The following NFIX variants were observed in gnomAD, a reference collection of about 807,000 sequenced individuals.
The protein encoded by NFIX is nuclear factor I X.
Under a neutral mutation model 53.3 loss-of-function variants are expected in NFIX, and 2 were observed. That is an observed-to-expected ratio of 0.04 (90% CI 0.02 to 0.12). The LOEUF (loss-of-function observed/expected upper bound fraction) is 0.12, where lower values mean the gene tolerates loss of function less well. Among genes scored for constraint, NFIX ranks in the 10% least tolerant of loss-of-function variants. The pLI is 1.00. For synonymous variants in NFIX, 244 were observed against 289.0 expected, an observed-to-expected ratio of 0.84 and a Z score of 1.58; for missense variants, 310 against 674.5, an observed-to-expected ratio of 0.46 and a Z score of 5.99.
rs1342275669 is a variant in NFIX, at chr19:13,012,271, G to C, written c.28-12750G>C. 2 of 152,502 alleles carry C rather than the reference G, an allele frequency of 1.3e-5. No homozygotes were observed. Among genetic ancestry groups the C allele is most frequent in the African/African-American group, 4.8e-5 (2 of 41,466 alleles). The allele number at this position is 152,502 out of a possible 1,614,324, so 9.4% of individuals were successfully genotyped here. On this transcript the variant is annotated intron_variant, in intron 1 of 10. Transcript: ENST00000592199. The surrounding 1 kb of genome is among the most constrained non-coding windows in gnomAD (Gnocchi z 5.0). ...GACCGCGGACCCCGGGGGCAGGTGAGGGGAAACTGGGAGCATAGGTCTGGC... is the reference window on the plus strand; with the variant it reads ...GACCGCGGACCCCGGGGGCAGGTGACGGGAAACTGGGAGCATAGGTCTGGC...
Position 13,078,617 on chromosome 19 carries a change from G to C in NFIX, c.960G>C (p.Pro320=). The C allele has an allele frequency of 6.2e-7, 1 of 1,600,194 alleles. No homozygotes were observed. Among genetic ancestry groups the C allele is most frequent in the East Asian group, 2.3e-5 (1 of 44,210 alleles). ...GTTGCTGCTTCCTCCCCCCAGGCCCGGCTTCTCTAAAGAAGTCAGGAAAGC... is the reference window on the plus strand; with the variant it reads ...GTTGCTGCTTCCTCCCCCCAGGCCCCGCTTCTCTAAAGAAGTCAGGAAAGC... ...SGWPNDVDAG[P]ASLKKSGKLD... is the part of the protein sequence containing the mutation. The change falls in exon 7 of 11, where the codon CCG becomes CCC. Residue 320 remains proline (P), a synonymous_variant. Transcript: ENST00000592199. The surrounding 1 kb of genome is among the most constrained non-coding windows in gnomAD (Gnocchi z 4.7).
At position 13,094,064 on chromosome 19, in the gene NFIX, C is replaced by T. The variant is rs570999943; in HGVS notation, c.1495-571C>T. On this transcript the variant is annotated intron_variant, in intron 10 of 10. Transcript: ENST00000592199. The surrounding 1 kb of genome is among the most constrained non-coding windows in gnomAD (Gnocchi z 4.3). ...GTAGAGGATCCAGCACCATGGGCTA[C>T]GTGGCCCCTCCCCCAGGCCTGGCGC... 6.4e-4 allele frequency among the ~76,000 whole-genome samples: 97 copies of T among 152,316 alleles called. No homozygotes were observed. The highest frequency in any genetic ancestry group is 1.0e-3 in the Non-Finnish European group (71 of 68,026).
intron 2 of NFIX, among the ~76,000 whole-genome samples, chr19:13,061,592 G>C (rs1366917883): frequency 6.6e-6 from 1 of 152,188 alleles, no homozygotes; most frequent in Non-Finnish European, 1.5e-5. Context: ...CCTGAACCGC[G>C]TCGCTTCCTG....
Position 13,051,775 on chromosome 19 carries a change from C to A in NFIX, c.560-21272C>A, listed in dbSNP as rs1252065298. On this transcript the variant is annotated intron_variant, in intron 2 of 10. Coordinates refer to ENST00000592199, the MANE Select transcript of NFIX (RefSeq NM_001365902.3). The surrounding 1 kb of genome is among the most constrained non-coding windows in gnomAD (Gnocchi z 5.1). ...GCCTTCCCTATTGACCCCTGACCAG[C>A]GATACTAATCTGTGTCAACAGGCCC... Among the ~76,000 whole-genome samples the A allele has an allele frequency of 6.6e-6, 1 of 152,178 alleles. No homozygotes were observed. The highest frequency in any genetic ancestry group is 1.5e-5 in the Non-Finnish European group (1 of 68,024).
At chr19:13,023,094 C>CTCTCTG (rs1223921340) in intron 1 of NFIX, among the ~76,000 whole-genome samples, 3 of 150,856 alleles carry the variant, frequency 2.0e-5, no homozygotes, top group African/African-American at 4.9e-5. Flanking sequence ...CTCTCTCTCT[C>CTCTCTG]TCTGTCTCTT....
intron 1 of NFIX, among the ~76,000 whole-genome samples, chr19:13,015,844 G>C (rs1481032248): frequency 6.6e-6 from 1 of 151,952 alleles, no homozygotes; most frequent in Non-Finnish European, 1.5e-5. Context: ...CAGCAGTGAG[G>C]ATGAGAGGGG....
Position 12,998,433 on chromosome 19 carries a change from A to T in NFIX, c.27+2569A>T, listed in dbSNP as rs1599695093. On this transcript the variant is annotated intron_variant, in intron 1 of 10. Transcript: ENST00000592199. This position sits in a 1 kb window ranked among gnomAD's most constrained non-coding sequence, Gnocchi z 4.4. Reference sequence around the variant, plus strand: ...TTGGAGCAGCGGGGCCCTGGCGGGGAAAGGTACTGTGGGCGAGGGGGAAGG... The same window carrying T: ...TTGGAGCAGCGGGGCCCTGGCGGGGTAAGGTACTGTGGGCGAGGGGGAAGG... Among the ~76,000 whole-genome samples, 1 of 152,004 alleles carries T rather than the reference A, an allele frequency of 6.6e-6. No individual in the cohort carries two copies. The highest frequency in any genetic ancestry group is 2.1e-4 in the South Asian group (1 of 4,816).
intron 2 of NFIX, among the ~76,000 whole-genome samples, chr19:13,050,392 G>A (rs966287713): frequency 5.9e-5 from 9 of 152,178 alleles, no homozygotes; most frequent in Non-Finnish European, 1.2e-4. Context: ...GCCTTGTCCC[G>A]CATCACTTCT....
intron 1 of NFIX, among the ~76,000 whole-genome samples, chr19:13,008,853 C>A (rs2012167568): frequency 6.6e-6 from 1 of 152,180 alleles, no homozygotes; most frequent in Non-Finnish European, 1.5e-5. Context: ...AGACCCATCA[C>A]CTCCAAGGTT....
chr19:13,015,464 A>G (rs2012608146), intron 1 of NFIX, among the ~76,000 whole-genome samples: 1 of 151,942 alleles, frequency 6.6e-6, no homozygotes, highest in South Asian at 2.1e-4. Context: ...TCTTGATGCC[A>G]TTCTACTCCC....
intron 6 of NFIX, among the ~76,000 whole-genome samples, chr19:13,076,152 C>T (rs953239801): frequency 2.6e-5 from 4 of 152,186 alleles, no homozygotes; most frequent in Non-Finnish European, 5.9e-5. Flanking sequence ...TGACCAAAAA[C>T]GCCTCCAGAC....
At chr19:13,016,486 A>G (rs1298565144) in intron 1 of NFIX, among the ~76,000 whole-genome samples, 6 of 152,148 alleles carry the variant, frequency 3.9e-5, no homozygotes, top group Non-Finnish European at 7.4e-5. Context: ...ACATCTGGAA[A>G]GCAAAATTGC....
At chr19:13,075,390 G>A in intron 5 of NFIX, 145 bp from the exon 6 acceptor site, 2 of 835,438 alleles carry the variant, frequency 2.4e-6, no homozygotes, top group South Asian at 1.9e-5. Flanking sequence ...TGGGCACGCA[G>A]TGAGTGCCCA....
At chr19:13,029,865 G>A (rs1017938934) in intron 2 of NFIX, among the ~76,000 whole-genome samples, 1 of 152,208 alleles carries the variant, frequency 6.6e-6, no homozygotes, top group Admixed American at 6.5e-5. Flanking sequence ...GTCTGAGGGA[G>A]GGCTGCCCAT....
At chr19:13,056,811 G>A (rs1409769444) in intron 2 of NFIX, among the ~76,000 whole-genome samples, 1 of 152,260 alleles carries the variant, frequency 6.6e-6, no homozygotes, top group Non-Finnish European at 1.5e-5. Context: ...AGCAACAGTG[G>A]AAGTCAAGGT....
chr19:13,053,222 C>T (rs565343355), intron 2 of NFIX, among the ~76,000 whole-genome samples: 21 of 152,214 alleles, frequency 1.4e-4, no homozygotes, highest in African/African-American at 4.6e-4. Flanking sequence ...GAGGGAGCAC[C>T]CTTGGGTGCT....
In NFIX at chr19:13,002,710, G is replaced by A. The variant is rs901185197; in HGVS notation, c.27+6846G>A. Reference sequence around the variant, plus strand: ...GATGTGGCTGCGCCAGCCAGGGAGGGGAGGCGGGTAGCGGGCACTGCGGCG... The same window carrying A: ...GATGTGGCTGCGCCAGCCAGGGAGGAGAGGCGGGTAGCGGGCACTGCGGCG... On this transcript the variant is annotated intron_variant, in intron 1 of 10. Transcript: ENST00000592199. The surrounding 1 kb of genome is among the most constrained non-coding windows in gnomAD (Gnocchi z 6.1). Among the ~76,000 whole-genome samples the A allele has an allele frequency of 1.9e-4, 29 of 152,202 alleles. No homozygotes were observed. The highest frequency in any genetic ancestry group is 4.1e-4 in the Non-Finnish European group (28 of 68,022).
At chr19:13,091,209 A>G (rs1023509079) in intron 10 of NFIX, among the ~76,000 whole-genome samples, 1 of 151,972 alleles carries the variant, frequency 6.6e-6, no homozygotes, top group Non-Finnish European at 1.5e-5. Flanking sequence ...TCTTTTGCAC[A>G]TTTTACAAAA....
At position 13,060,817 on chromosome 19, in the gene NFIX, C is replaced by G. The variant is rs1171818023; in HGVS notation, c.560-12230C>G. On this transcript the variant is annotated intron_variant, in intron 2 of 10. Coordinates refer to ENST00000592199, the MANE Select transcript of NFIX (RefSeq NM_001365902.3). The surrounding 1 kb of genome is among the most constrained non-coding windows in gnomAD (Gnocchi z 4.3). ...CCCAGCGGAACAAAGGGGCCTTTCT[C>G]CACGCCCGCCCGGGAGGGTGTGCCC... Among the ~76,000 whole-genome samples the G allele has an allele frequency of 6.6e-6, 1 of 151,116 alleles. No homozygotes were observed. Among genetic ancestry groups the G allele is most frequent in the Non-Finnish European group, 1.5e-5 (1 of 67,710 alleles).
Sources: gnomAD v4.1 joint callset for allele counts (sites outside exome capture counted in the v4.1 genomes callset) on GRCh38, gnomAD v4.1.1 for gene constraint, Gnocchi (gnomAD v3.1) non-coding constraint, MANE v1.5 for transcripts, NCBI Gene and HGNC (gene_info 2026-07-23, HGNC 2026-07-21) for gene names.